The following PDLIM3 variants were observed in gnomAD, a reference collection of about 807,000 sequenced individuals.
The protein encoded by PDLIM3 is PDZ and LIM domain 3.
Under a neutral mutation model 37.3 loss-of-function variants are expected in PDLIM3, and 36 were observed. The ratio of observed to expected loss-of-function variants is 0.97; its 90% CI spans 0.74 to 1.28. The LOEUF (loss-of-function observed/expected upper bound fraction) is 1.28, where lower values mean the gene tolerates loss of function less well. PDLIM3 is among the 50% of genes most tolerant of loss of function. PDLIM3 has a pLI of 0.00. For missense variants in PDLIM3, 454 were observed against 485.0 expected (o/e 0.94, Z 0.60); for synonymous variants, 174 against 182.4 (o/e 0.95, Z 0.37).
At chr4:185,511,043 T>C (rs1271057154) in intron 4 of PDLIM3, among the ~76,000 whole-genome samples, 8 of 152,208 alleles carry the variant, frequency 5.3e-5, no homozygotes, top group African/African-American at 1.9e-4. Context: ...GTAAGGTTGA[T>C]AACACACTCA....
At chr4:185,503,429 ACCTTTTGGTCTCACGTTCCT>A (rs1259991006) in intron 7 of PDLIM3, among the ~76,000 whole-genome samples, 1 of 151,958 alleles carries the variant, frequency 6.6e-6, no homozygotes, top group Non-Finnish European at 1.5e-5. Flanking sequence ...CCCTGCTTTG[ACCTTTTGGTCTCACGTTCCT>A]CCTTTTGCCC....
Position 185,514,035 on chromosome 4 carries a change from C to T in PDLIM3, c.398+235G>A. ...CTCAGGGGTGTTCGCTATAAATACA[C>T]GTGGTGATTGCATACAATTTCACAG... On this transcript the variant is annotated intron_variant, in intron 4 of 7. Transcript: ENST00000284767. The surrounding 1 kb of genome is among the most constrained non-coding windows in gnomAD (Gnocchi z 4.0). 4 of 1,408,072 alleles carry T rather than the reference C, an allele frequency of 2.8e-6. No individual in the cohort carries two copies. Among genetic ancestry groups the T allele is most frequent in the East Asian group, 2.8e-5 (1 of 35,604 alleles). The allele number at this position is 1,408,072 out of a possible 1,614,324, so 87.2% of individuals were successfully genotyped here.
In PDLIM3 at chr4:185,501,129, G is replaced by A. The variant is rs1368315095; in HGVS notation, c.*1165C>T. 6.6e-6 allele frequency: 1 copy of A among 152,294 alleles called. No individual in the cohort carries two copies. Among genetic ancestry groups the A allele is most frequent in the Non-Finnish European group, 1.5e-5 (1 of 68,120 alleles). The allele number at this position is 152,294 out of a possible 1,614,324, so 9.4% of individuals were successfully genotyped here. A position where few individuals can be genotyped will look rare whatever the true frequency, so the allele number is the denominator to read the frequency against. On this transcript the variant is annotated 3_prime_UTR_variant, in exon 8 of 8. Coordinates refer to ENST00000284767, the MANE Select transcript of PDLIM3 (RefSeq NM_014476.6). ...GAGAGGCAAGGTAACGCCATGCAGA[G>A]CCTGCAAGGTAGGCTGCCTGCGCCA... is the stretch of plus-strand genomic sequence containing the variant.
chr4:185,510,740 T>C (rs951594490), intron 4 of PDLIM3, among the ~76,000 whole-genome samples: 24 of 152,352 alleles, frequency 1.6e-4, no homozygotes, highest in African/African-American at 5.5e-4. Context: ...GTGTACTATG[T>C]AATTTTAGTT....
At chr4:185,527,302 G>C (rs1561203406) in intron 1 of PDLIM3, among the ~76,000 whole-genome samples, 1 of 152,218 alleles carries the variant, frequency 6.6e-6, no homozygotes, top group African/African-American at 2.4e-5. Context: ...TTAGGGATCA[G>C]TAATTCATTT....
At position 185,504,923 on chromosome 4, in the gene PDLIM3, C is replaced by T. The variant is rs2095694141; in HGVS notation, c.794-337G>A. Among the ~76,000 whole-genome samples the T allele has an allele frequency of 6.6e-6, 1 of 152,116 alleles. No individual in the cohort carries two copies. The highest frequency in any genetic ancestry group is 1.5e-5 in the Non-Finnish European group (1 of 68,024). ...GCAATTCAATGACATTAGGTACATC[C>T]AAAATGTTGTGCAAGCACTGCCAAT... On this transcript the variant is annotated intron_variant, in intron 6 of 7. Coordinates refer to ENST00000284767, the MANE Select transcript of PDLIM3 (RefSeq NM_014476.6). The surrounding 1 kb of genome is among the most constrained non-coding windows in gnomAD (Gnocchi z 4.7).
chr4:185,501,950 G>A lies in PDLIM3; in HGVS notation c.*344C>T. On this transcript the variant is annotated 3_prime_UTR_variant, in exon 8 of 8. Transcript: ENST00000284767. Reference sequence around the variant, plus strand: ...ACAATTGCAAAATCAACTTGTCAAGGAAAGACAATTAGAGTCCTTCAAATA... The same window carrying A: ...ACAATTGCAAAATCAACTTGTCAAGAAAAGACAATTAGAGTCCTTCAAATA... 2.9e-6 allele frequency: 1 copy of A among 345,414 alleles called. No individual in the cohort carries two copies. 21.4% of individuals were successfully genotyped at this position (345,414 alleles called of 1,614,324 possible). A position where few individuals can be genotyped will look rare whatever the true frequency, so the allele number is the denominator to read the frequency against.
At chr4:185,508,153 A>G in intron 5 of PDLIM3, 146 bp downstream of exon 5, 2 of 797,744 alleles carry the variant, frequency 2.5e-6, no homozygotes, top group Admixed American at 2.0e-5. Context: ...TTCCAAGCCT[A>G]GATATTTGCA....
At chr4:185,527,194 T>C (rs755199402) in intron 1 of PDLIM3, among the ~76,000 whole-genome samples, 2 of 152,220 alleles carry the variant, frequency 1.3e-5, no homozygotes, top group Non-Finnish European at 2.9e-5. Context: ...AACTTGTCAT[T>C]GCTATGTTTG....
At chr4:185,514,000 TC>T in intron 4 of PDLIM3, 1 of 1,314,920 alleles carries the variant, frequency 7.6e-7, no homozygotes, top group Non-Finnish European at 9.8e-7. Context: ...CTGGATGGGA[TC>T]CCCAGAGCCT....
chr4:185,533,225 C>A (rs926684280), intron 1 of PDLIM3, among the ~76,000 whole-genome samples: 3 of 152,202 alleles, frequency 2.0e-5, no homozygotes, highest in Non-Finnish European at 2.9e-5. Context: ...TACAACCTCA[C>A]ACACTGCCTT....
chr4:185,506,472 C>T (rs778072591), intron 6 of PDLIM3, 50 bp downstream of exon 6: 1 of 1,610,974 alleles, frequency 6.2e-7, no homozygotes, highest in Non-Finnish European at 8.5e-7. Context: ...GTCCCGCCCC[C>T]TGCAGTGGCC....
chr4:185,519,741 T>C (rs2095720278), intron 3 of PDLIM3, among the ~76,000 whole-genome samples: 1 of 152,200 alleles, frequency 6.6e-6, no homozygotes, highest in Non-Finnish European at 1.5e-5. Flanking sequence ...TTGGATGGTA[T>C]AGTTTTTTCC....
Position 185,523,568 on chromosome 4 carries a change from A to AT in PDLIM3, c.246-123dup, listed in dbSNP as rs10641473. 0.24 allele frequency: 114,827 copies of AT among 470,666 alleles called. 6,629 individuals carry two copies. Among genetic ancestry groups the AT allele is most frequent in the African/African-American group, 0.44 (22,023 of 49,722 alleles). The allele number at this position is 470,666 out of a possible 1,614,324, so 29.2% of individuals were successfully genotyped here. ...AACCTCACTAACTTATGCAAAAACA[A>AT]TTTTTTTTTTTGCTGATTATTCTGT... On this transcript the variant is annotated intron_variant, in intron 2 of 7. Transcript: ENST00000284767.
In PDLIM3 at chr4:185,502,044, A is replaced by G; in HGVS notation, c.*250T>C. 1.9e-6 allele frequency: 1 copy of G among 537,046 alleles called. No homozygotes were observed. Among genetic ancestry groups the G allele is most frequent in the Non-Finnish European group, 3.4e-6 (1 of 297,778 alleles). The allele number at this position is 537,046 out of a possible 1,614,324, so 33.3% of individuals were successfully genotyped here. A position where few individuals can be genotyped will look rare whatever the true frequency, so the allele number is the denominator to read the frequency against. ...TGTGGAGTATGACATACAAAAAATTATTGCTTTAAATATCATTATTGCTAG... is the reference window on the plus strand; with the variant it reads ...TGTGGAGTATGACATACAAAAAATTGTTGCTTTAAATATCATTATTGCTAG... On this transcript the variant is annotated 3_prime_UTR_variant, in exon 8 of 8. Transcript: ENST00000284767.
chr4:185,529,521 T>A (rs1180674413), intron 1 of PDLIM3, among the ~76,000 whole-genome samples: 1 of 152,166 alleles, frequency 6.6e-6, no homozygotes, highest in Non-Finnish European at 1.5e-5. Context: ...ACCCCATTGT[T>A]CATTCTCCAT....
chr4:185,520,299 T>G (rs2095721551), intron 3 of PDLIM3, among the ~76,000 whole-genome samples: 1 of 152,222 alleles, frequency 6.6e-6, no homozygotes, highest in Non-Finnish European at 1.5e-5. Context: ...AGAACTGAAT[T>G]GTTCTTATCT....
At chr4:185,531,624 A>T (rs571301764) in intron 1 of PDLIM3, among the ~76,000 whole-genome samples, 1 of 152,116 alleles carries the variant, frequency 6.6e-6, no homozygotes, top group Admixed American at 6.5e-5. Flanking sequence ...GTCTAGCAGT[A>T]TTGCTGTCGT....
intron 3 of PDLIM3, among the ~76,000 whole-genome samples, chr4:185,518,655 C>G (rs2095718342): frequency 6.6e-6 from 1 of 152,156 alleles, no homozygotes; most frequent in South Asian, 2.1e-4. Context: ...ACAGTAAAGT[C>G]ACCCTCATCA....
Sources: gnomAD v4.1 joint callset for allele counts (sites outside exome capture counted in the v4.1 genomes callset) on GRCh38, gnomAD v4.1.1 for gene constraint, Gnocchi (gnomAD v3.1) non-coding constraint, MANE v1.5 for transcripts, NCBI Gene and HGNC (gene_info 2026-07-23, HGNC 2026-07-21) for gene names.